The following TENM1 variants were observed in gnomAD, a reference collection of about 807,000 sequenced individuals.
TENM1 encodes teneurin transmembrane protein 1.
A neutral mutation model predicts 174.8 loss-of-function variants in TENM1; 35 were observed. The observed-to-expected ratio is 0.20, with a 90% CI of 0.15 to 0.27. The LOEUF is 0.27. Ranked by LOEUF, TENM1 falls within the 10% of genes least tolerant of loss-of-function variation. The probability of loss-of-function intolerance (pLI) is 1.00; values close to 1 mark genes in which losing one functional copy is unlikely to be tolerated. For synonymous variants in TENM1, 781 were observed against 798.7 expected (o/e 0.98, Z 0.37); for missense variants, 1,633 against 2,130.1 (o/e 0.77, Z 4.59).
At chrX:125,015,967 C>T in the TENM1 span, among the ~76,000 whole-genome samples, 2 of 111,598 alleles carry the variant, frequency 1.8e-5, no homozygotes, top group Non-Finnish European at 3.8e-5. Flanking sequence ...ATACTCCTCT[C>T]AAGGAGCTCA....
At chrX:124,496,067 A>G (rs897977773) in intron 20 of TENM1, among the ~76,000 whole-genome samples, 1 of 105,907 alleles carries the variant, frequency 9.4e-6, no homozygotes, top group Admixed American at 1.0e-4. Context: ...ATAACACCGC[A>G]TATCTACAAC....
chrX:124,769,424 T>A lies in TENM1; in HGVS notation c.536-32227A>T, dbSNP rs746798649. 3.6e-5 allele frequency among the ~76,000 whole-genome samples: 4 copies of A among 111,973 alleles called. No individual in the cohort carries two copies. In the South Asian group the frequency reaches 1.5e-3, roughly 42 times the overall value. ...GCAAAAATTTCAGGCCAACGTCAGT[T>A]TACAGTAATGACTGTTTAATGATTT... is the stretch of plus-strand genomic sequence containing the variant. On this transcript the variant is annotated intron_variant, in intron 3 of 31. Transcript: ENST00000422452.
chrX:125,143,618 A>T, the TENM1 span, among the ~76,000 whole-genome samples: 2 of 112,030 alleles, frequency 1.8e-5, no homozygotes, highest in South Asian at 3.7e-4. Flanking sequence ...AAGGAAAGTA[A>T]CTATTCTCTA....
intron 10 of TENM1, among the ~76,000 whole-genome samples, chrX:124,643,916 T>C (rs1448339298): frequency 9.3e-6 from 1 of 107,407 alleles, no homozygotes; most frequent in African/African-American, 3.4e-5. Flanking sequence ...TGGGTCTATA[T>C]AGCATATGAA....
chrX:124,522,775 G>A (rs1051748680), intron 17 of TENM1, among the ~76,000 whole-genome samples: 2 of 108,374 alleles, frequency 1.8e-5, no homozygotes, highest in African/African-American at 6.8e-5. Context: ...TGCAACCTCC[G>A]TCTCACGGGT....
chrX:125,118,080 G>A, the TENM1 span, among the ~76,000 whole-genome samples: 5 of 111,684 alleles, frequency 4.5e-5, no homozygotes, highest in South Asian at 1.5e-3. Context: ...CAGCAACATG[G>A]ATGGAACCAC....
intron 22 of TENM1, 22 bp from the exon 26 acceptor site, chrX:124,453,513 G>A (rs1160852082): frequency 3.4e-6 from 4 of 1,188,271 alleles, no homozygotes; most frequent in Admixed American, 2.3e-5. Context: ...GAGCAAATGA[G>A]CATTAGTAGT....
chrX:124,579,073 T>C (rs1232253798), intron 11 of TENM1, among the ~76,000 whole-genome samples: 1 of 112,014 alleles, frequency 8.9e-6, no homozygotes, highest in Non-Finnish European at 1.9e-5. Context: ...CTCAATTAAA[T>C]TTTTCTTCAT....
At chrX:124,786,996 A>C (rs2055052424) in intron 3 of TENM1, among the ~76,000 whole-genome samples, 1 of 112,008 alleles carries the variant, frequency 8.9e-6, no homozygotes, top group Admixed American at 9.5e-5. Flanking sequence ...AGAGGTTAAC[A>C]GTTCTGTACT....
the TENM1 span, among the ~76,000 whole-genome samples, chrX:125,003,050 G>A: frequency 2.5e-4 from 28 of 111,946 alleles, no homozygotes; most frequent in Admixed American, 2.6e-3. Context: ...ACTGTAAAAG[G>A]TTAAAACATG....
At chrX:125,057,516 AT>A in the TENM1 span, among the ~76,000 whole-genome samples, 3 of 110,943 alleles carry the variant, frequency 2.7e-5, no homozygotes, top group Non-Finnish European at 5.7e-5. Context: ...TTAATATCCT[AT>A]TTTCCAGTCT....
the TENM1 span, among the ~76,000 whole-genome samples, chrX:125,083,618 G>A: frequency 4.5e-5 from 5 of 110,898 alleles, no homozygotes; most frequent in Admixed American, 9.6e-5. Context: ...CAAAAAACAT[G>A]GTAATGATAT....
In TENM1 at chrX:124,579,279, A is replaced by G. The variant is rs1167691303; in HGVS notation, c.2078-13719T>C. 2.7e-5 allele frequency among the ~76,000 whole-genome samples: 3 copies of G among 111,727 alleles called. No individual in the cohort carries two copies. The East Asian group carries it at 8.5e-4, about 32-fold the overall frequency. ...CTAAACTCTCTCTAACCAAGCCCCA[A>G]TTGTTACTTTTTTGACTTTGGTTTT... On this transcript the variant is annotated intron_variant, in intron 11 of 31. Coordinates refer to ENST00000422452, the Ensembl canonical transcript of TENM1.
chrX:124,656,964 G>A (rs1819874970), intron 6 of TENM1, among the ~76,000 whole-genome samples: 1 of 110,137 alleles, frequency 9.1e-6, no homozygotes, highest in African/African-American at 3.3e-5. Context: ...AAAAAAAAAG[G>A]ATTTTTTTTC....
At chrX:124,886,803 T>C (rs966550476) in intron 3 of TENM1, among the ~76,000 whole-genome samples, 1 of 102,487 alleles carries the variant, frequency 9.8e-6, no homozygotes, top group South Asian at 4.6e-4. Context: ...TAAAAATTCA[T>C]ATGGGAAAGT....
intron 31 of TENM1, 140 bp downstream of exon 34, chrX:124,382,530 T>G: frequency 5.7e-6 from 3 of 524,198 alleles, no homozygotes; most frequent in South Asian, 4.2e-5. Context: ...TTTTTATACC[T>G]TCTCATTAAT....
intron 4 of TENM1, among the ~76,000 whole-genome samples, chrX:124,723,604 T>G (rs28516662): frequency 0.01 from 613 of 59,046 alleles, 4 homozygotes; most frequent in African/African-American, 0.05. Context: ...TTTTTTTTTG[T>G]TTTTTTTTTT....
chrX:124,765,429 G>A (rs1055766032), intron 3 of TENM1, among the ~76,000 whole-genome samples: 2 of 111,710 alleles, frequency 1.8e-5, no homozygotes, highest in African/African-American at 3.2e-5. Context: ...CACCTGCAGT[G>A]TGGTACACAG....
intron 3 of TENM1, among the ~76,000 whole-genome samples, chrX:124,883,285 C>T (rs1364225495): frequency 8.9e-6 from 1 of 111,796 alleles, no homozygotes; most frequent in Admixed American, 9.5e-5. Flanking sequence ...CTTCTGGGTG[C>T]CGTGCCGTAG....
Sources: gnomAD v4.1 joint callset for allele counts (sites outside exome capture counted in the v4.1 genomes callset) on GRCh38, gnomAD v4.1.1 for gene constraint, MANE v1.5 for transcripts, NCBI Gene and HGNC (gene_info 2026-07-23, HGNC 2026-07-21) for gene names.